Variants in MORC2 observed in about 807,000 individuals in gnomAD.
The protein encoded by MORC2 is MORC family CW-type zinc finger 2, also known as ATPase MORC2.
In MORC2, 30 loss-of-function variants were observed where a neutral mutation model predicts 136.0. That is an observed-to-expected ratio of 0.22 (90% confidence interval 0.17 to 0.30). The LOEUF (loss-of-function observed/expected upper bound fraction) is 0.30, where lower values mean the gene tolerates loss of function less well. MORC2 is among the 10% of genes least tolerant of loss of function. The pLI is 1.00. For synonymous variants in MORC2, 439 were observed against 487.0 expected, an observed-to-expected ratio of 0.90 and a Z score of 1.30; for missense variants, 922 against 1,333.1, an observed-to-expected ratio of 0.69 and a Z score of 4.80.
chr22:30,958,136 A>T (rs988540950), intron 2 of MORC2, among the ~76,000 whole-genome samples: 7 of 152,256 alleles, frequency 4.6e-5, no homozygotes, highest in Non-Finnish European at 8.8e-5. Flanking sequence ...AGTATAAGAC[A>T]GTGCTGACCA....
intron 1 of MORC2, among the ~76,000 whole-genome samples, chr22:30,959,887 T>C (rs1004037964): frequency 1.3e-5 from 2 of 152,376 alleles, no homozygotes; most frequent in Admixed American, 6.5e-5. Context: ...ATTTATTAAA[T>C]AAATATCCAT....
intron 1 of MORC2, among the ~76,000 whole-genome samples, chr22:30,963,540 A>G (rs2041080901): frequency 6.6e-6 from 1 of 151,972 alleles, no homozygotes; most frequent in African/African-American, 2.4e-5. Flanking sequence ...ACAAGCTACC[A>G]TGCCCGGCTA....
intron 5 of MORC2, among the ~76,000 whole-genome samples, chr22:30,948,241 G>A (rs1179695020): frequency 2.0e-5 from 3 of 152,160 alleles, no homozygotes; most frequent in African/African-American, 4.8e-5. Context: ...GAGGTGAAAT[G>A]GCTTGCCTGA....
Position 30,932,796 on chromosome 22 carries a change from T to C in MORC2, c.2523-27A>G, listed in dbSNP as rs761432963. Reference sequence around the variant, plus strand: ...TGTGGAAGACACACAGCTTATGTCATGTCTGACCCGGGCTCCCAGGATGGG... The same window carrying C: ...TGTGGAAGACACACAGCTTATGTCACGTCTGACCCGGGCTCCCAGGATGGG... On this transcript the variant is annotated intron_variant, in intron 22 of 25. Transcript: ENST00000397641. The surrounding 1 kb of genome is among the most constrained non-coding windows in gnomAD (Gnocchi z 4.4). The C allele has an allele frequency of 1.9e-6, 3 of 1,613,526 alleles. No individual in the cohort carries two copies. The highest frequency in any genetic ancestry group is 1.1e-5 in the South Asian group (1 of 91,068).
At position 30,934,953 on chromosome 22, in the gene MORC2, G is replaced by GCC. The variant is rs1569190455; in HGVS notation, c.2020_2021insGG (p.Pro674ArgfsTer48). ...GACGAGAGTGTTGGCAGGCTTTCGG[G>GCC]GTGCCTCAGGTGGCTGGAGCAGCCT... On this transcript the variant is annotated frameshift_variant, in exon 19 of 26. Coordinates refer to ENST00000397641, the MANE Select transcript of MORC2 (RefSeq NM_001303256.3). LOFTEE classifies it high-confidence loss of function. The surrounding 1 kb of genome is among the most constrained non-coding windows in gnomAD (Gnocchi z 4.4). The GCC allele has an allele frequency of 6.2e-7, 1 of 1,614,090 alleles. No individual in the cohort carries two copies. Among genetic ancestry groups the GCC allele is most frequent in the East Asian group, 2.2e-5 (1 of 44,866 alleles).
chr22:30,933,510 C>T lies in MORC2; in HGVS notation c.2336G>A (p.Ser779Asn), dbSNP rs757275863. The T allele has an allele frequency of 6.2e-7, 1 of 1,613,930 alleles. No individual in the cohort carries two copies. Among genetic ancestry groups the T allele is most frequent in the Admixed American group, 1.7e-5 (1 of 60,016 alleles). Reference sequence around the variant, plus strand: ...GTCAGCCGAGTCCTCTTCCCCAGCACTGTCTGAGAGCTGCGTGGAGAGCAG... The same window carrying T: ...GTCAGCCGAGTCCTCTTCCCCAGCATTGTCTGAGAGCTGCGTGGAGAGCAG... The part of the protein sequence containing the change: ...EKKDSNELSD[S>N]AGEEDSADLK... The change falls in exon 21 of 26, where the codon AGT (serine) becomes AAT (asparagine). Residue 779 changes from serine (S) to asparagine (N), a missense_variant. Ser to Asn is a conservative substitution (Grantham distance 46). Around this residue, in one of 9 missense-constraint regions of MORC2, gnomAD observed 263 missense variants for 388.3 expected, o/e 0.68. Transcript: ENST00000397641.
rs781443418 is a variant in MORC2, at chr22:30,935,151, C to T, written c.1823G>A (p.Arg608His). The T allele has an allele frequency of 3.0e-5, 49 of 1,612,072 alleles. No homozygotes were observed. The highest frequency in any genetic ancestry group is 1.6e-4 in the Middle Eastern group (1 of 6,078). ...GGGCGACCGAGGACGCTGAGGTCTA[C>T]GCACAGGTTCCTAAAAAAAGGCCCA... ...TTRPSTEEPV[R>H]RPQRPRSPPL... Residue 608 changes from arginine to histidine, a missense_variant, in exon 19 of 26, where the codon CGT (arginine) becomes CAT (histidine). By Grantham distance (29) the Arg-to-His change is conservative. Coordinates refer to ENST00000397641, the MANE Select transcript of MORC2 (RefSeq NM_001303256.3).
chr22:30,955,567 A>G (rs1374355821), intron 3 of MORC2, among the ~76,000 whole-genome samples: 2 of 152,210 alleles, frequency 1.3e-5, no homozygotes, highest in African/African-American at 4.8e-5. Context: ...AAAAGGGTCC[A>G]TGAAGAGGGG....
intron 1 of MORC2, chr22:30,963,081 CCT>C (rs1012128331): frequency 6.5e-6 from 1 of 152,882 alleles, no homozygotes; most frequent in Non-Finnish European, 1.5e-5. Flanking sequence ...AGGCCATTCT[CCT>C]GTCTCAGCCT....
chr22:30,933,377 C>A, intron 21 of MORC2, 89 bp downstream of exon 21: 2 of 1,430,060 alleles, frequency 1.4e-6, no homozygotes, highest in Non-Finnish European at 9.7e-7. Flanking sequence ...ATTCAATGAG[C>A]CTTTGGTAAA....
chr22:30,962,327 C>T (rs2041059222), intron 1 of MORC2, among the ~76,000 whole-genome samples: 2 of 151,996 alleles, frequency 1.3e-5, no homozygotes, highest in South Asian at 4.1e-4. Flanking sequence ...CTTTGGGAAG[C>T]CCAGGCCAGC....
chr22:30,925,209 CA>C lies in MORC2; in HGVS notation c.*1593del. 1.0e-5 allele frequency: 3 copies of C among 289,356 alleles called. No homozygotes were observed. The highest frequency in any genetic ancestry group is 9.5e-5 in the South Asian group (3 of 31,428). 17.9% of individuals were successfully genotyped at this position (289,356 alleles called of 1,614,324 possible). On this transcript the variant is annotated 3_prime_UTR_variant, in exon 26 of 26. Coordinates refer to ENST00000397641, the MANE Select transcript of MORC2 (RefSeq NM_001303256.3). ...TGAATTTTAAAAACTGATTACCCTC[CA>C]GTAAAAATGTGGAACCAATTTGCAT...
At chr22:30,965,755 G>C (rs1356964135) in intron 1 of MORC2, among the ~76,000 whole-genome samples, 1 of 152,190 alleles carries the variant, frequency 6.6e-6, no homozygotes, top group Non-Finnish European at 1.5e-5. Context: ...AAATAGCAAA[G>C]GGGGAAAAAG....
At chr22:30,939,525 A>G in intron 12 of MORC2, 96 bp downstream of exon 12, 1 of 1,233,852 alleles carries the variant, frequency 8.1e-7, no homozygotes, top group Non-Finnish European at 1.1e-6. Context: ...TTTGGCATTA[A>G]AACAAAGCAG....
At position 30,941,382 on chromosome 22, in the gene MORC2, C is replaced by CA; in HGVS notation, c.824+50_824+51insT. The CA allele has an allele frequency of 6.3e-7, 1 of 1,596,990 alleles. No homozygotes were observed. Among genetic ancestry groups the CA allele is most frequent in the Non-Finnish European group, 8.5e-7 (1 of 1,169,726 alleles). The stretch of plus-strand genomic sequence containing the variant: ...CTAACAATGCCCCAGAGAAACGCGG[C>CA]CACATCCTCGACCCATGGGAGACAG... On this transcript the variant is annotated intron_variant, in intron 9 of 25. Transcript: ENST00000397641. The surrounding 1 kb of genome is among the most constrained non-coding windows in gnomAD (Gnocchi z 4.6).
intron 5 of MORC2, among the ~76,000 whole-genome samples, chr22:30,947,955 G>T (rs1176669961): frequency 6.6e-6 from 1 of 152,088 alleles, no homozygotes; most frequent in Non-Finnish European, 1.5e-5. Flanking sequence ...TTCTGAATTG[G>T]TTTCAAGATG....
In MORC2 at chr22:30,937,770, C is replaced by T; in HGVS notation, c.1369+45G>A. The T allele has an allele frequency of 6.2e-7, 1 of 1,613,964 alleles. No individual in the cohort carries two copies. The highest frequency in any genetic ancestry group is 1.1e-5 in the South Asian group (1 of 91,060). On this transcript the variant is annotated intron_variant, in intron 14 of 25. Coordinates refer to ENST00000397641, the MANE Select transcript of MORC2 (RefSeq NM_001303256.3). The surrounding 1 kb of genome is among the most constrained non-coding windows in gnomAD (Gnocchi z 4.7). ...GCCAGCCTCTCTCTCTCCCTACATT[C>T]AGGTGAAGAGAAAAGGCAGAGGCCC...
intron 2 of MORC2, among the ~76,000 whole-genome samples, chr22:30,958,086 T>C (rs1265881818): frequency 6.6e-6 from 1 of 152,354 alleles, no homozygotes; most frequent in East Asian, 1.9e-4. Flanking sequence ...CTATTCAGTC[T>C]TACACAGTAA....
chr22:30,937,446 TCGTCAAACAGACTTG>T lies in MORC2; in HGVS notation c.1498+122_1498+136del. 1 of 1,327,956 alleles carries T rather than the reference TCGTCAAACAGACTTG, an allele frequency of 7.5e-7. No individual in the cohort carries two copies. Among genetic ancestry groups the T allele is most frequent in the Non-Finnish European group, 1.0e-6 (1 of 973,170 alleles). 82.3% of individuals were successfully genotyped at this position (1,327,956 alleles called of 1,614,324 possible). A position where few individuals can be genotyped will look rare whatever the true frequency, so the allele number is the denominator to read the frequency against. ...CCTCAAGACTGAGCTCACAGGGCCA[TCGTCAAACAGACTTG>T]GATCCCTAGGGGACTGTAAGTCCAT... On this transcript the variant is annotated intron_variant, in intron 15 of 25. Transcript: ENST00000397641. The surrounding 1 kb of genome is among the most constrained non-coding windows in gnomAD (Gnocchi z 4.7).
Sources: allele counts gnomAD v4.1 joint callset (sites outside exome capture counted in the v4.1 genomes callset), GRCh38; gene constraint gnomAD v4.1.1; regional missense constraint gnomAD v4.1.1; non-coding constraint Gnocchi (gnomAD v3.1); transcripts MANE v1.5; gene names NCBI Gene and HGNC (gene_info 2026-07-23, HGNC 2026-07-21).